The following SRRM4 variants were observed in gnomAD, a reference collection of about 807,000 sequenced individuals.
SRRM4 encodes the protein serine/arginine repetitive matrix protein 4.
SRRM4 carries 33 observed loss-of-function variants against 68.9 expected under a neutral mutation model. That is an observed-to-expected ratio of 0.48 (90% CI 0.36 to 0.64). The LOEUF (loss-of-function observed/expected upper bound fraction) is 0.64. SRRM4 is among the 30% of genes least tolerant of loss of function. The pLI, the probability that SRRM4 is intolerant of heterozygous loss-of-function variation, is 0.00. For synonymous variants in SRRM4, 318 were observed against 318.8 expected (o/e 1.00, Z 0.03); for missense variants, 817 against 827.1 (o/e 0.99, Z 0.15).
At chr12:119,119,958 C>T (rs557143141) in intron 4 of SRRM4, among the ~76,000 whole-genome samples, 1 of 152,006 alleles carries the variant, frequency 6.6e-6, no homozygotes, top group Non-Finnish European at 1.5e-5. Context: ...ATCTCCCATA[C>T]AATTTTCATA....
intron 1 of SRRM4, among the ~76,000 whole-genome samples, chr12:119,088,690 G>A (rs890755013): frequency 5.3e-5 from 8 of 151,218 alleles, no homozygotes; most frequent in African/African-American, 1.7e-4. Context: ...TGGGTAATAA[G>A]TGGGGGGCCA....
rs533979949 is a variant in SRRM4 at position 118,991,819 on chromosome 12, C to T, written c.131+9806C>T. ...AGTACAGTGGCTCAAGGTTGGTCAT[C>T]TTTAAATATTTGTTGAATAAATTGT... On this transcript the variant is annotated intron_variant, in intron 1 of 12. Coordinates refer to ENST00000267260, the MANE Select transcript of SRRM4 (RefSeq NM_194286.4). 2.6e-5 allele frequency: 4 copies of T among 152,256 alleles called. No homozygotes were observed. In the East Asian group the frequency reaches 5.8e-4, roughly 22 times the overall value. 9.4% of individuals were successfully genotyped at this position (152,256 alleles called of 1,614,324 possible).
At chr12:119,060,590 T>C (rs1031618682) in intron 1 of SRRM4, among the ~76,000 whole-genome samples, 8 of 151,638 alleles carry the variant, frequency 5.3e-5, no homozygotes, top group Admixed American at 1.3e-4. Context: ...TTAGTAGAGT[T>C]TGTGTATTAT....
intron 8 of SRRM4, among the ~76,000 whole-genome samples, chr12:119,139,322 G>A (rs538081432): frequency 5.5e-4 from 83 of 152,204 alleles, no homozygotes; most frequent in Non-Finnish European, 7.1e-4. Flanking sequence ...GCACTTCCAC[G>A]GTCAGACCTC....
rs571276548 is a variant in SRRM4 at position 119,064,860 on chromosome 12, G to A, written c.132-37376G>A. On this transcript the variant is annotated intron_variant, in intron 1 of 12. Transcript: ENST00000267260. Reference sequence around the variant, plus strand: ...TTTTCTCTAGCATTTTTTTGGATGTGTATTGTCAGGAAAAAACACAAGTAA... The same window carrying A: ...TTTTCTCTAGCATTTTTTTGGATGTATATTGTCAGGAAAAAACACAAGTAA... 1.2e-4 allele frequency among the ~76,000 whole-genome samples: 19 copies of A among 152,152 alleles called. No individual in the cohort carries two copies. The South Asian group carries it at 3.1e-3, about 25-fold the overall frequency.
chr12:119,102,296 T>TCAG lies in SRRM4; in HGVS notation c.195_197dup (p.Gln65dup). 5 of 1,613,690 alleles carry TCAG rather than the reference T, an allele frequency of 3.1e-6. No individual in the cohort carries two copies. Among genetic ancestry groups the TCAG allele is most frequent in the Non-Finnish European group, 4.2e-6 (5 of 1,179,806 alleles). On this transcript the variant is annotated inframe_insertion, in exon 2 of 13. Coordinates refer to ENST00000267260, the MANE Select transcript of SRRM4 (RefSeq NM_194286.4). ...AGGATGGACCCTCAGAAAAGCTGGG[T>TCAG]CAGCATCTGGCCACCGAGCCCTTGG...
intron 1 of SRRM4, among the ~76,000 whole-genome samples, chr12:119,060,663 C>T (rs769057121): frequency 1.3e-4 from 20 of 151,844 alleles, no homozygotes; most frequent in African/African-American, 4.6e-4. Flanking sequence ...GAATGAGGCC[C>T]GGGACTTCAA....
chr12:119,021,991 TG>T (rs1239389242), intron 1 of SRRM4, among the ~76,000 whole-genome samples: 1 of 151,956 alleles, frequency 6.6e-6, no homozygotes, highest in Admixed American at 6.6e-5. Context: ...TCTAGATCCT[TG>T]ACACAGGGAG....
At chr12:119,038,098 G>A (rs904681040) in intron 1 of SRRM4, among the ~76,000 whole-genome samples, 7 of 152,206 alleles carry the variant, frequency 4.6e-5, no homozygotes, top group African/African-American at 1.4e-4. Flanking sequence ...CAAAGATCAA[G>A]TAGGCATGGC....
intron 4 of SRRM4, 69 bp from the exon 5 acceptor site, chr12:119,120,181 C>G: frequency 9.1e-7 from 1 of 1,099,982 alleles, no homozygotes. Flanking sequence ...CTCTCTCTCT[C>G]TCCCTCTCTT....
chr12:119,108,422 G>A (rs1204881944), intron 2 of SRRM4, among the ~76,000 whole-genome samples: 2 of 152,162 alleles, frequency 1.3e-5, no homozygotes, highest in African/African-American at 4.8e-5. Flanking sequence ...GGGTGTTAAA[G>A]TCTCCCATTA....
chr12:119,044,995 A>G (rs1045785285), intron 1 of SRRM4, among the ~76,000 whole-genome samples: 1 of 152,164 alleles, frequency 6.6e-6, no homozygotes, highest in Non-Finnish European at 1.5e-5. Context: ...AAATGCAGCT[A>G]ATTCCTACCT....
At chr12:118,988,247 C>T (rs1164953117) in intron 1 of SRRM4, among the ~76,000 whole-genome samples, 5 of 152,128 alleles carry the variant, frequency 3.3e-5, no homozygotes, top group South Asian at 2.1e-4. Flanking sequence ...ATTTCATCAA[C>T]GTTATCTACA....
chr12:119,129,955 G>A (rs565289031), intron 7 of SRRM4, among the ~76,000 whole-genome samples: 56 of 145,728 alleles, frequency 3.8e-4, no homozygotes, highest in African/African-American at 1.3e-3. Context: ...ACAGATGGAA[G>A]GAAGGACAGA....
At chr12:119,138,307 A>T (rs2136061882) in intron 8 of SRRM4, among the ~76,000 whole-genome samples, 1 of 152,330 alleles carries the variant, frequency 6.6e-6, no homozygotes, top group East Asian at 1.9e-4. Context: ...GAAACAAAGC[A>T]TAACTCGGCT....
chr12:119,097,008 G>T (rs75753406), intron 1 of SRRM4, among the ~76,000 whole-genome samples: 1 of 152,102 alleles, frequency 6.6e-6, no homozygotes, highest in East Asian at 1.9e-4. Context: ...GAACAGAGCC[G>T]CCGGGAGGCC....
chr12:119,015,571 T>G lies in SRRM4; in HGVS notation c.131+33558T>G, dbSNP rs947773777. On this transcript the variant is annotated intron_variant, in intron 1 of 12. Transcript: ENST00000267260. ...ATGCTCTTGCCTTTTCTTCTTAACT[T>G]TGTATTTTGAATTTTTAAAATATAT... is the stretch of plus-strand genomic sequence containing the variant. Among the ~76,000 whole-genome samples, 11 of 152,260 alleles carry G rather than the reference T, an allele frequency of 7.2e-5. No homozygotes were observed. In the East Asian group the frequency reaches 2.1e-3, roughly 29 times the overall value.
At position 119,043,943 on chromosome 12, in the gene SRRM4, A is replaced by G. The variant is rs150266328; in HGVS notation, c.132-58293A>G. On this transcript the variant is annotated intron_variant, in intron 1 of 12. Transcript: ENST00000267260. ...TGCAATGGCGCGATCTCAGCTCACC[A>G]CAACCTCCGCCTTCCGGTTTTCAAG... 4.1e-3 allele frequency among the ~76,000 whole-genome samples: 617 copies of G among 152,102 alleles called. 27 individuals carry two copies. The East Asian group carries it at 0.1, about 25-fold the overall frequency.
intron 1 of SRRM4, among the ~76,000 whole-genome samples, chr12:119,059,017 A>C (rs958791912): frequency 6.6e-6 from 1 of 152,188 alleles, no homozygotes; most frequent in Non-Finnish European, 1.5e-5. Flanking sequence ...GCAGCTATTT[A>C]GCTGGAGACA....
Sources: gnomAD v4.1 joint callset for allele counts (sites outside exome capture counted in the v4.1 genomes callset) on GRCh38, gnomAD v4.1.1 for gene constraint, MANE v1.5 for transcripts, NCBI Gene and HGNC (gene_info 2026-07-23, HGNC 2026-07-21) for gene names.